IFT46: variants seen among roughly 807,000 people sequenced by gnomAD.
The protein encoded by IFT46 is intraflagellar transport 46.
IFT46 carries 19 observed loss-of-function variants against 39.6 expected under a neutral mutation model. The observed-to-expected ratio is 0.48, with a 90% CI of 0.33 to 0.70. The LOEUF is 0.70. Ranked by LOEUF, IFT46 falls within the 30% of genes least tolerant of loss-of-function variation. The pLI is 0.01. For missense variants in IFT46, 334 were observed against 364.8 expected, an observed-to-expected ratio of 0.92 and a Z score of 0.69; for synonymous variants, 117 against 134.8, an observed-to-expected ratio of 0.87 and a Z score of 0.91.
intron 7 of IFT46, 49 bp from the exon 8 acceptor site, chr11:118,552,384 T>C: frequency 6.2e-7 from 1 of 1,604,222 alleles, no homozygotes; most frequent in Non-Finnish European, 8.5e-7. Flanking sequence ...AGTAGCTCTC[T>C]TGTTTTTACA....
At chr11:118,567,641 T>G (rs142500756), upstream of IFT46, among the ~76,000 whole-genome samples, 1 of 152,194 alleles carries the variant, frequency 6.6e-6, no homozygotes, top group African/African-American at 2.4e-5. Flanking sequence ...CCTGAAAACC[T>G]ACCAGAGGTA....
At chr11:118,552,464 T>C (rs1054832455) in intron 7 of IFT46, 129 bp from the exon 8 acceptor site, 9 of 1,099,854 alleles carry the variant, frequency 8.2e-6, no homozygotes, top group East Asian at 7.3e-5. Context: ...CGTGAAACAG[T>C]AGCCAAATGA....
chr11:118,570,791 A>G (rs1166676918), upstream of IFT46, among the ~76,000 whole-genome samples: 1 of 152,228 alleles, frequency 6.6e-6, no homozygotes, highest in Non-Finnish European at 1.5e-5. Flanking sequence ...CATGAGCACA[A>G]CTGCCCTGCT....
At chr11:118,549,037 C>T (rs1951760573) in intron 9 of IFT46, among the ~76,000 whole-genome samples, 1 of 151,872 alleles carries the variant, frequency 6.6e-6, no homozygotes, top group Non-Finnish European at 1.5e-5. Flanking sequence ...GCTGGGATTA[C>T]AGGTGCCTGC....
rs891501477 is a variant in IFT46, at chr11:118,564,693, G to A, written c.-36+272C>T. 2.0e-5 allele frequency among the ~76,000 whole-genome samples: 3 copies of A among 150,278 alleles called. No individual in the cohort carries two copies. The South Asian group carries it at 6.3e-4, about 31-fold the overall frequency. ...AGGAAAAACATAAGTTAAAAAAAAA[G>A]AAAAGAAAAAGAAAAAGAACAGTGA... On this transcript the variant is annotated intron_variant, in intron 2 of 11. Transcript: ENST00000264021.
At chr11:118,557,864 A>G in intron 3 of IFT46, 2 of 1,607,620 alleles carry the variant, frequency 1.2e-6, no homozygotes, top group Non-Finnish European at 1.7e-6. Context: ...TGTGGCCTGG[A>G]GCCTGTGGCA....
At chr11:118,545,900 G>C (rs1417767580) in intron 9 of IFT46, 47 bp from the exon 10 acceptor site, 1 of 1,531,644 alleles carries the variant, frequency 6.5e-7, no homozygotes, top group Non-Finnish European at 9.0e-7. Flanking sequence ...GGTGTCAGTG[G>C]TCCCAGAACC....
chr11:118,567,323 T>A (rs1938249284), upstream of IFT46, among the ~76,000 whole-genome samples: 1 of 152,102 alleles, frequency 6.6e-6, no homozygotes, highest in East Asian at 1.9e-4. Context: ...ACGCCTGTAA[T>A]CCCAGCACTT....
intron 9 of IFT46, among the ~76,000 whole-genome samples, chr11:118,547,736 TTTCTTTTC>T (rs1419572451): frequency 7.0e-6 from 1 of 142,052 alleles, no homozygotes; most frequent in African/African-American, 2.6e-5. Flanking sequence ...TTACTTTTCT[TTTCTTTTC>T]TTTTTTTTTT....
At position 118,545,763 on chromosome 11, in the gene IFT46, T is replaced by C. The variant is rs533063194; in HGVS notation, c.733+30A>G. The C allele has an allele frequency of 6.2e-6, 10 of 1,606,718 alleles. No homozygotes were observed. In the South Asian group the frequency reaches 9.9e-5, roughly 16 times the overall value. On this transcript the variant is annotated intron_variant, in intron 10 of 11. Coordinates refer to ENST00000264021, the MANE Select transcript of IFT46 (RefSeq NM_001168618.2). ...AGCCTAGAGTGTCTCTATCCAGAGA[T>C]GGGGACGAGGAAAGGAAAGAGGAAC... is the stretch of plus-strand genomic sequence containing the variant.
Position 118,545,467 on chromosome 11 carries a change from C to A in IFT46, c.761G>T (p.Ser254Ile). 6.2e-7 allele frequency: 1 copy of A among 1,613,714 alleles called. No individual in the cohort carries two copies. The highest frequency in any genetic ancestry group is 8.5e-7 in the Non-Finnish European group (1 of 1,179,644). Residue 254 changes from serine (S) to isoleucine (I), a missense_variant, in exon 11 of 12, where the codon AGT (serine) becomes ATT (isoleucine). Ser to Ile is a moderately radical substitution (Grantham distance 142, BLOSUM62 -2). Coordinates refer to ENST00000264021, the MANE Select transcript of IFT46 (RefSeq NM_001168618.2). ...CAILDIPVYKSRIQSLHLLFS... is the reference protein window; with the variant it reads ...CAILDIPVYKIRIQSLHLLFS... ...GAGCAGATGGAGGGACTGGATCCGA[C>A]TCTTGTAGACAGGGATGTCTAGAAT...
chr11:118,557,607 C>T (rs1363089237), intron 3 of IFT46: 9 of 1,100,342 alleles, frequency 8.2e-6, no homozygotes, highest in Admixed American at 6.1e-5. Flanking sequence ...CATTTTTGTT[C>T]AGTGATATTT....
intron 2 of IFT46, chr11:118,561,115 C>T (rs1938042037): frequency 2.7e-6 from 4 of 1,505,094 alleles, no homozygotes; most frequent in South Asian, 1.1e-5. Flanking sequence ...GTGCCTTTAC[C>T]TGCTATTTGG....
Position 118,558,602 on chromosome 11 carries a change from C to T in IFT46, c.45+1183G>A, listed in dbSNP as rs11216895. On this transcript the variant is annotated intron_variant, in intron 3 of 11. Coordinates refer to ENST00000264021, the MANE Select transcript of IFT46 (RefSeq NM_001168618.2). ...AGAGCGAGATGACTCTGTCTCAAAA[C>T]AAAAACAAAAACCATTAAAATGCAG... Among the ~76,000 whole-genome samples the T allele has an allele frequency of 1.9e-4, 29 of 151,506 alleles. 1 individual carries two copies. In the East Asian group the frequency reaches 5.3e-3, roughly 28 times the overall value.
chr11:118,573,966 G>GTAAGTTAAA (rs1220097894), upstream of IFT46, among the ~76,000 whole-genome samples: 3 of 152,038 alleles, frequency 2.0e-5, no homozygotes, highest in African/African-American at 7.3e-5. Context: ...TATTTTAATA[G>GTAAGTTAAA]TAAAGTTAAG....
intron 9 of IFT46, among the ~76,000 whole-genome samples, chr11:118,550,723 A>G (rs145485933): frequency 0.01 from 1,560 of 152,284 alleles, 15 homozygotes; most frequent in Non-Finnish European, 0.017. Flanking sequence ...TCTATCACCA[A>G]TCATTTAAAA....
chr11:118,556,955 C>T lies in IFT46; in HGVS notation c.136G>A (p.Asp46Asn), dbSNP rs1555069637. 6.2e-7 allele frequency: 1 copy of T among 1,609,756 alleles called. No individual in the cohort carries two copies. The highest frequency in any genetic ancestry group is 2.2e-5 in the East Asian group (1 of 44,710). ...DDDDDDSSET[D>N]SDSDDDDEEH... ...TCATCATCATCATCAGAATCAGAAT[C>T]AGTTTCAGATGAATCATCATCATCA... Residue 46 changes from aspartate (D) to asparagine (N), a missense_variant, in exon 4 of 12, where the codon GAT becomes AAT. Physicochemically the swap from Asp to Asn is conservative, Grantham distance 23 (BLOSUM62 1). Coordinates refer to ENST00000264021, the MANE Select transcript of IFT46 (RefSeq NM_001168618.2).
chr11:118,552,851 T>G (rs1937693161), intron 7 of IFT46, among the ~76,000 whole-genome samples: 1 of 147,930 alleles, frequency 6.8e-6, no homozygotes, highest in Admixed American at 6.8e-5. Context: ...TTTGGGAGGC[T>G]GAGGCAGGAG....
chr11:118,565,469 G>A (rs1163663879), intron 1 of IFT46: 3 of 93,714 alleles, frequency 3.2e-5, no homozygotes, highest in Non-Finnish European at 6.8e-5. Flanking sequence ...GGGGTGGGGT[G>A]GGGTGGGGTG....
Sources: allele counts gnomAD v4.1 joint callset (sites outside exome capture counted in the v4.1 genomes callset), GRCh38; gene constraint gnomAD v4.1.1; transcripts MANE v1.5; gene names NCBI Gene and HGNC (gene_info 2026-07-23, HGNC 2026-07-21).